The following GDE1 variants were observed in gnomAD, a reference collection of about 807,000 sequenced individuals.
The protein encoded by GDE1 is RGS16-interacting membrane protein.
A neutral mutation model predicts 32.2 loss-of-function variants in GDE1; 24 were observed. That is an observed-to-expected ratio of 0.75 (90% CI 0.54 to 1.05). The LOEUF is 1.05. Ranked by LOEUF, GDE1 falls within the 50% of genes least tolerant of loss-of-function variation. GDE1 has a pLI of 0.00. For missense variants in GDE1, 380 were observed against 415.0 expected (o/e 0.92, Z 0.73); for synonymous variants, 159 against 158.6 (o/e 1.00, Z -0.02).
At chr16:19,514,579 A>C (rs979592673) in intron 2 of GDE1, among the ~76,000 whole-genome samples, 28 of 152,316 alleles carry the variant, frequency 1.8e-4, no homozygotes, top group Admixed American at 4.6e-4. Context: ...AAATCTGTTA[A>C]CTGTATTGTG....
intron 4 of GDE1, among the ~76,000 whole-genome samples, chr16:19,506,934 G>A (rs1346036799): frequency 2.6e-5 from 4 of 151,970 alleles, no homozygotes; most frequent in Non-Finnish European, 4.4e-5. Context: ...AGGAGTTGGA[G>A]AACTGCCTGG....
chr16:19,511,568 A>G (rs904251903), intron 2 of GDE1, among the ~76,000 whole-genome samples: 1 of 152,198 alleles, frequency 6.6e-6, no homozygotes, highest in Non-Finnish European at 1.5e-5. Context: ...TGTTAGGAAC[A>G]TCTAAATCTC....
At position 19,521,997 on chromosome 16, in the gene GDE1, C is replaced by G. The variant is rs1384314043; in HGVS notation, c.-33G>C. 2 of 1,509,604 alleles carry G rather than the reference C, an allele frequency of 1.3e-6. No individual in the cohort carries two copies. Among genetic ancestry groups the G allele is most frequent in the Non-Finnish European group, 1.8e-6 (2 of 1,125,358 alleles). 93.5% of individuals were successfully genotyped at this position (1,509,604 alleles called of 1,614,324 possible). A position where few individuals can be genotyped will look rare whatever the true frequency, so the allele number is the denominator to read the frequency against. On this transcript the variant is annotated 5_prime_UTR_variant, in exon 1 of 6. Transcript: ENST00000353258. ...CCCGCACCGGCACGGACGGGAGTCC[C>G]GGACCCGCCGGGCTCCTGGGGCAGT...
chr16:19,503,448 C>T lies in GDE1; in HGVS notation c.*22G>A, dbSNP rs764064115. The T allele has an allele frequency of 1.0e-4, 164 of 1,610,080 alleles. No homozygotes were observed. In the East Asian group the frequency reaches 1.3e-3, roughly 13 times the overall value. On this transcript the variant is annotated 3_prime_UTR_variant, in exon 6 of 6. Coordinates refer to ENST00000353258, the MANE Select transcript of GDE1 (RefSeq NM_016641.4). Reference sequence around the variant, plus strand: ...TGAGGCCCCTGGCAGTTTCTGAACCCGTTTCGTCCCACCGTGAAAGTCTAG... The same window carrying T: ...TGAGGCCCCTGGCAGTTTCTGAACCTGTTTCGTCCCACCGTGAAAGTCTAG...
chr16:19,519,882 T>C (rs9935304), intron 1 of GDE1, among the ~76,000 whole-genome samples: 55,327 of 151,766 alleles, frequency 0.36, 11,630 homozygotes, highest in East Asian at 0.56. Flanking sequence ...AGTGGAGGAG[T>C]ACATCTGTAA....
chr16:19,506,576 C>T (rs11640241), intron 4 of GDE1, among the ~76,000 whole-genome samples: 4,069 of 152,008 alleles, frequency 0.027, 76 homozygotes, highest in Non-Finnish European at 0.042. Context: ...TGCTTGAACC[C>T]GGGAGGCAGA....
At chr16:19,505,162 G>T in intron 4 of GDE1, 70 bp from the exon 5 acceptor site, 1 of 1,072,412 alleles carries the variant, frequency 9.3e-7, no homozygotes, top group Non-Finnish European at 1.4e-6. Flanking sequence ...TTTAGATTTA[G>T]CCAATGTGCT....
chr16:19,521,418 G>A (rs1969451526), intron 1 of GDE1: 3 of 448,040 alleles, frequency 6.7e-6, no homozygotes, highest in South Asian at 4.3e-5. Context: ...CCCCCATTCC[G>A]ATGTACACTC....
At chr16:19,503,844 AC>A in intron 5 of GDE1, 1 of 433,624 alleles carries the variant, frequency 2.3e-6, no homozygotes, top group South Asian at 5.6e-5. Context: ...AATGATCGCC[AC>A]CCCCAAATGT....
In GDE1 at chr16:19,503,332, TA is replaced by T; in HGVS notation, c.*137del. On this transcript the variant is annotated 3_prime_UTR_variant, in exon 6 of 6. Coordinates refer to ENST00000353258, the MANE Select transcript of GDE1 (RefSeq NM_016641.4). ...ACACCGGGTTTAGCTTTGGTTCAGG[TA>T]AAAATGCAGTGACCAACTATTGCAT... 1.4e-6 allele frequency: 1 copy of T among 740,214 alleles called. No individual in the cohort carries two copies. Among genetic ancestry groups the T allele is most frequent in the Non-Finnish European group, 2.2e-6 (1 of 449,268 alleles). 45.9% of individuals were successfully genotyped at this position (740,214 alleles called of 1,614,324 possible).
At chr16:19,516,892 C>G (rs1282430200) in intron 2 of GDE1, 122 bp downstream of exon 2, 3 of 813,276 alleles carry the variant, frequency 3.7e-6, no homozygotes, top group African/African-American at 1.7e-5. Flanking sequence ...CTTACAAGAC[C>G]TACGTACAGT....
At chr16:19,512,577 T>G (rs180769133) in intron 2 of GDE1, among the ~76,000 whole-genome samples, 14 of 152,292 alleles carry the variant, frequency 9.2e-5, no homozygotes, top group African/African-American at 3.4e-4. Flanking sequence ...TATAGTCACA[T>G]TTGCCTGTTT....
At chr16:19,521,518 C>T (rs936154061) in intron 1 of GDE1, 186 bp downstream of exon 1, 2 of 636,218 alleles carry the variant, frequency 3.1e-6, no homozygotes, top group Non-Finnish European at 2.7e-6. Context: ...CTGCTGTCTT[C>T]TGTAAATATA....
intron 1 of GDE1, among the ~76,000 whole-genome samples, chr16:19,519,591 C>T (rs1216530777): frequency 6.6e-6 from 1 of 152,052 alleles, no homozygotes; most frequent in Non-Finnish European, 1.5e-5. Flanking sequence ...ACTATTTACT[C>T]AGGTCTGGAA....
intron 5 of GDE1, 111 bp downstream of exon 5, chr16:19,504,769 GT>G: frequency 1.5e-6 from 1 of 672,948 alleles, no homozygotes; most frequent in Non-Finnish European, 2.6e-6. Flanking sequence ...TAGAGGTATG[GT>G]AAGCTTTGCA....
At chr16:19,517,223 T>G (rs1485342004) in intron 1 of GDE1, 34 bp from the exon 2 acceptor site, 1 of 1,560,236 alleles carries the variant, frequency 6.4e-7, no homozygotes, top group East Asian at 2.2e-5. Context: ...TACTGTCAAA[T>G]GGCCACAAAC....
intron 1 of GDE1, chr16:19,521,480 G>A: frequency 1.7e-6 from 1 of 571,458 alleles, no homozygotes; most frequent in South Asian, 2.4e-5. Flanking sequence ...TAACCTTAGC[G>A]TCAGGCGCAC....
intron 2 of GDE1, among the ~76,000 whole-genome samples, chr16:19,516,153 C>T (rs879895099): frequency 6.6e-6 from 1 of 152,140 alleles, no homozygotes; most frequent in Non-Finnish European, 1.5e-5. Flanking sequence ...AGTGTATATA[C>T]TTTGGAAGCT....
chr16:19,517,285 G>A, intron 1 of GDE1, 96 bp from the exon 2 acceptor site: 2 of 904,578 alleles, frequency 2.2e-6, no homozygotes, highest in South Asian at 1.5e-5. Flanking sequence ...TAAGACAGCT[G>A]TCCTTTTTGA....
Sources: allele counts gnomAD v4.1 joint callset (sites outside exome capture counted in the v4.1 genomes callset), GRCh38; gene constraint gnomAD v4.1.1; transcripts MANE v1.5; gene names NCBI Gene and HGNC (gene_info 2026-07-23, HGNC 2026-07-21).